PTPRD: variants seen among roughly 807,000 people sequenced by gnomAD.
PTPRD encodes protein tyrosine phosphatase receptor type D.
Under a neutral mutation model 214.5 loss-of-function variants are expected in PTPRD, and 34 were observed. The ratio of observed to expected loss-of-function variants is 0.16; its 90% confidence interval spans 0.12 to 0.21. The LOEUF (loss-of-function observed/expected upper bound fraction) is 0.21. PTPRD is among the 10% of genes least tolerant of loss of function. The pLI is 1.00. For missense variants in PTPRD, 2,545 were observed against 2,398.7 expected, an observed-to-expected ratio of 1.06 and a Z score of -1.27; for synonymous variants, 1,128 against 845.7, an observed-to-expected ratio of 1.33 and a Z score of -5.79.
intron 2 of PTPRD, among the ~76,000 whole-genome samples, chr9:10,601,202 G>A (rs1481531249): frequency 1.3e-5 from 2 of 151,506 alleles, no homozygotes; most frequent in Admixed American, 6.6e-5. Context: ...AACGAATAGA[G>A]TAAGTAAGGT....
chr9:8,978,955 A>C (rs2099288140), intron 11 of PTPRD, among the ~76,000 whole-genome samples: 1 of 152,104 alleles, frequency 6.6e-6, no homozygotes, highest in Non-Finnish European at 1.5e-5. Flanking sequence ...ATTTGAATCC[A>C]ATGAGGCTGC....
chr9:10,606,346 C>A (rs1429761194), intron 2 of PTPRD, among the ~76,000 whole-genome samples: 8 of 151,810 alleles, frequency 5.3e-5, no homozygotes, highest in Admixed American at 5.3e-4. Flanking sequence ...CCCCCTCCAT[C>A]CTTTTCCACT....
rs1405915871 is a variant in PTPRD, at chr9:9,490,973, A to ATAAATG, written c.-237+83753_-237+83758dup. 1.3e-3 allele frequency among the ~76,000 whole-genome samples: 196 copies of ATAAATG among 151,724 alleles called. 1 individual carries two copies. The highest frequency in any genetic ancestry group is 4.5e-3 in the African/African-American group (185 of 41,418). On this transcript the variant is annotated intron_variant, in intron 8 of 45. Transcript: ENST00000381196. ...TGAACTATAATGAACTAATATAAAT[A>ATAAATG]TAAATGAACATTGTCTAAAAGTTAG...
At chr9:9,634,550 G>T (rs2095694223) in intron 7 of PTPRD, among the ~76,000 whole-genome samples, 1 of 152,096 alleles carries the variant, frequency 6.6e-6, no homozygotes, top group African/African-American at 2.4e-5. Flanking sequence ...ACCATAAGAG[G>T]AAGGAAATAA....
At chr9:10,333,359 G>A (rs1321045158) in intron 3 of PTPRD, among the ~76,000 whole-genome samples, 3 of 151,734 alleles carry the variant, frequency 2.0e-5, no homozygotes, top group South Asian at 2.1e-4. Context: ...AGGAGGGCAG[G>A]AAGACATCAA....
At chr9:10,459,863 G>T (rs1231542051) in intron 2 of PTPRD, among the ~76,000 whole-genome samples, 1 of 151,644 alleles carries the variant, frequency 6.6e-6, no homozygotes, top group Non-Finnish European at 1.5e-5. Flanking sequence ...ATATTTTAAA[G>T]AAATAATATT....
intron 3 of PTPRD, among the ~76,000 whole-genome samples, chr9:10,277,222 A>G (rs549056131): frequency 1.6e-5 from 2 of 124,602 alleles, no homozygotes; most frequent in South Asian, 3.0e-4. Flanking sequence ...CATACAACAT[A>G]AACATAAACA....
chr9:9,250,695 T>C (rs550526964), intron 9 of PTPRD, among the ~76,000 whole-genome samples: 8 of 152,144 alleles, frequency 5.3e-5, no homozygotes, highest in East Asian at 2.0e-4. Flanking sequence ...TTTGGCCTTT[T>C]TGGGACTCTG....
chr9:9,947,428 T>TTA (rs2092803608), intron 4 of PTPRD, among the ~76,000 whole-genome samples: 1 of 29,732 alleles, frequency 3.4e-5, no homozygotes, highest in Non-Finnish European at 4.4e-5. Context: ...ATATATATTA[T>TTA]ATATATATTA....
Position 10,199,816 on chromosome 9 carries a change from A to G in PTPRD, c.-545+141147T>C, listed in dbSNP as rs575978201. The stretch of plus-strand genomic sequence containing the variant: ...TTTGATCTCCTATCTTTCCAACAAA[A>G]CTATAAACATTGATATCATTAAAGT... On this transcript the variant is annotated intron_variant, in intron 3 of 45. Coordinates refer to ENST00000381196, the MANE Select transcript of PTPRD (RefSeq NM_002839.4). Among the ~76,000 whole-genome samples, 16 of 151,876 alleles carry G rather than the reference A, an allele frequency of 1.1e-4. No homozygotes were observed. The East Asian group carries it at 3.1e-3, about 30-fold the overall frequency.
At chr9:9,617,709 T>G (rs145020783) in intron 7 of PTPRD, among the ~76,000 whole-genome samples, 8 of 152,162 alleles carry the variant, frequency 5.3e-5, no homozygotes, top group Non-Finnish European at 1.0e-4. Context: ...TGTAAGAGAT[T>G]AGGATGGTGA....
intron 14 of PTPRD, among the ~76,000 whole-genome samples, chr9:8,595,946 C>T (rs1190437164): frequency 6.6e-6 from 1 of 152,102 alleles, no homozygotes; most frequent in Admixed American, 6.6e-5. Flanking sequence ...TGTGCCTATG[C>T]CATTGTATAT....
At chr9:9,816,254 T>C (rs1236117727) in intron 5 of PTPRD, among the ~76,000 whole-genome samples, 1 of 152,162 alleles carries the variant, frequency 6.6e-6, no homozygotes, top group African/African-American at 2.4e-5. Context: ...ACAAATTTTT[T>C]CCGTTAAAGA....
intron 8 of PTPRD, among the ~76,000 whole-genome samples, chr9:9,522,658 C>T (rs899814005): frequency 1.3e-5 from 2 of 152,114 alleles, no homozygotes; most frequent in African/African-American, 4.8e-5. Flanking sequence ...TTCCTGCACT[C>T]TTTTCTCTAA....
At chr9:10,370,775 T>C (rs2097596303) in intron 2 of PTPRD, among the ~76,000 whole-genome samples, 1 of 151,930 alleles carries the variant, frequency 6.6e-6, no homozygotes, top group African/African-American at 2.4e-5. Context: ...GAAAAGTCAG[T>C]TTGATGGTCC....
chr9:9,092,671 G>C (rs10977480), intron 10 of PTPRD, among the ~76,000 whole-genome samples: 5 of 151,858 alleles, frequency 3.3e-5, no homozygotes, highest in African/African-American at 1.2e-4. Flanking sequence ...ATCCACAGTT[G>C]ACTGAAATAG....
At chr9:8,740,720 C>T (rs2154444809) in intron 11 of PTPRD, among the ~76,000 whole-genome samples, 1 of 151,944 alleles carries the variant, frequency 6.6e-6, no homozygotes, top group South Asian at 2.1e-4. Context: ...CTGTTTTGCC[C>T]TAAACATGTT....
chr9:8,527,269 T>G, intron 16 of PTPRD, 76 bp downstream of exon 16: 2 of 1,468,034 alleles, frequency 1.4e-6, no homozygotes, highest in Non-Finnish European at 1.9e-6. Flanking sequence ...TGCCATGCAT[T>G]TTATTAATAA....
intron 10 of PTPRD, among the ~76,000 whole-genome samples, chr9:9,072,596 C>T (rs1219875694): frequency 1.3e-5 from 2 of 152,142 alleles, no homozygotes; most frequent in Non-Finnish European, 2.9e-5. Context: ...TCTTCATCTA[C>T]AGAGCACCTC....
Sources: gnomAD v4.1 joint callset for allele counts (sites outside exome capture counted in the v4.1 genomes callset) on GRCh38, gnomAD v4.1.1 for gene constraint, MANE v1.5 for transcripts, NCBI Gene and HGNC (gene_info 2026-07-23, HGNC 2026-07-21) for gene names.